XDH: variants seen among roughly 807,000 people sequenced by gnomAD.
XDH encodes the protein xanthine dehydrogenase.
XDH carries 138 observed loss-of-function variants against 156.1 expected under a neutral mutation model. The observed-to-expected ratio is 0.88, with a 90% CI of 0.77 to 1.02. XDH has a LOEUF of 1.02. XDH is among the 50% of genes least tolerant of loss of function. XDH has a pLI of 0.00. For synonymous variants in XDH, 669 were observed against 625.7 expected (o/e 1.07, Z -1.03); for missense variants, 1,849 against 1,684.9 (o/e 1.10, Z -1.71).
Position 31,375,573 on chromosome 2 carries a change from T to G in XDH, c.1428-19A>C. The stretch of plus-strand genomic sequence containing the variant: ...CCAGAGCCTGCCAGAGAGCAGGGCG[T>G]GGGACAGCGCTCCCGCCCAGCCCTC... On this transcript the variant is annotated intron_variant, in intron 14 of 35. Transcript: ENST00000379416. 1 of 1,611,570 alleles carries G rather than the reference T, an allele frequency of 6.2e-7. No individual in the cohort carries two copies. The highest frequency in any genetic ancestry group is 8.5e-7 in the Non-Finnish European group (1 of 1,179,712).
At chr2:31,340,148 A>C (rs207441) in intron 33 of XDH, among the ~76,000 whole-genome samples, 147,122 of 152,346 alleles carry the variant, frequency 0.97, 71,055 homozygotes, top group East Asian at 1. Flanking sequence ...AACTGCCATG[A>C]TAGACAGGCC....
At chr2:31,341,251 G>C in intron 33 of XDH, 78 bp downstream of exon 33, 1 of 1,357,840 alleles carries the variant, frequency 7.4e-7, no homozygotes, top group Non-Finnish European at 1.0e-6. Flanking sequence ...ACAACATGTT[G>C]TGGCAGGTGG....
chr2:31,383,815 G>A lies in XDH; in HGVS notation c.826C>T (p.Pro276Ser), dbSNP rs1442917442. Residue 276 changes from proline (P) to serine (S), a missense_variant, in exon 10 of 36, where the codon CCT becomes TCT. Pro to Ser is a moderately conservative substitution (Grantham distance 74). Transcript: ENST00000379416. ...ATCCAGGCTGGGCAGACAATCATAGGAAACAGCATATTCTTGAACTTCATC... is the reference window on the plus strand; with the variant it reads ...ATCCAGGCTGGGCAGACAATCATAGAAAACAGCATATTCTTGAACTTCATC... ...IEMKFKNMLFPMIVCPAWIPE... is the reference protein window; with the variant it reads ...IEMKFKNMLFSMIVCPAWIPE... 13 of 1,613,968 alleles carry A rather than the reference G, an allele frequency of 8.1e-6. No homozygotes were observed. The highest frequency in any genetic ancestry group is 1.1e-5 in the Non-Finnish European group (13 of 1,180,036).
At chr2:31,359,186 T>C (rs565096780) in intron 24 of XDH, among the ~76,000 whole-genome samples, 42 of 152,130 alleles carry the variant, frequency 2.8e-4, no homozygotes, top group Non-Finnish European at 5.0e-4. Flanking sequence ...AGATTGTTGA[T>C]TGGAATATAA....
intron 4 of XDH, among the ~76,000 whole-genome samples, chr2:31,399,642 C>T (rs979038283): frequency 3.9e-5 from 6 of 152,154 alleles, no homozygotes; most frequent in East Asian, 3.9e-4. Context: ...CCATGTGTTG[C>T]GAGAGGGACC....
intron 1 of XDH, among the ~76,000 whole-genome samples, chr2:31,406,688 T>C (rs1687199047): frequency 6.6e-6 from 1 of 152,186 alleles, no homozygotes; most frequent in Non-Finnish European, 1.5e-5. Context: ...ATAAAACCTG[T>C]CATCTCATTT....
rs1344763469 is a variant in XDH at position 31,347,505 on chromosome 2, T to A, written c.3276+17A>T. ...TGGGCTGGCCCTCTGCTCTGCGGGA[T>A]CCCATGGGCTCCTTACATAGACGGC... On this transcript the variant is annotated intron_variant, in intron 29 of 35. Transcript: ENST00000379416. 6.2e-7 allele frequency: 1 copy of A among 1,613,288 alleles called. No individual in the cohort carries two copies. The highest frequency in any genetic ancestry group is 8.5e-7 in the Non-Finnish European group (1 of 1,179,946).
chr2:31,356,025 A>C (rs1256030497), intron 24 of XDH, among the ~76,000 whole-genome samples: 2 of 152,218 alleles, frequency 1.3e-5, no homozygotes, highest in African/African-American at 4.8e-5. Flanking sequence ...CCAGAGACAG[A>C]GAGAAGGAGA....
intron 5 of XDH, among the ~76,000 whole-genome samples, chr2:31,398,365 G>A (rs952466169): frequency 6.6e-6 from 1 of 152,202 alleles, no homozygotes; most frequent in Non-Finnish European, 1.5e-5. Context: ...AAAGGCAGGA[G>A]ACCCCAGGAG....
At chr2:31,412,029 G>A (rs1451133184) in intron 1 of XDH, among the ~76,000 whole-genome samples, 1 of 152,158 alleles carries the variant, frequency 6.6e-6, no homozygotes, top group Non-Finnish European at 1.5e-5. Flanking sequence ...CACTTCTTGT[G>A]GGGATCACTC....
chr2:31,403,928 G>C (rs991574300), intron 2 of XDH, among the ~76,000 whole-genome samples: 6 of 152,104 alleles, frequency 3.9e-5, no homozygotes, highest in African/African-American at 1.4e-4. Context: ...GGGAACTGAG[G>C]ATATAATCGC....
intron 2 of XDH, among the ~76,000 whole-genome samples, chr2:31,404,295 G>A (rs1425946514): frequency 6.6e-6 from 1 of 152,170 alleles, no homozygotes; most frequent in Non-Finnish European, 1.5e-5. Flanking sequence ...AACAACTTTG[G>A]GGGCACCTGA....
intron 8 of XDH, among the ~76,000 whole-genome samples, chr2:31,387,052 T>G (rs1686629841): frequency 1.4e-5 from 2 of 142,214 alleles, no homozygotes; most frequent in African/African-American, 5.3e-5. Flanking sequence ...AGGAGTTTGT[T>G]ATAAGGGGAT....
intron 31 of XDH, among the ~76,000 whole-genome samples, chr2:31,343,796 T>G (rs1187932585): frequency 7.1e-6 from 1 of 141,684 alleles, no homozygotes; most frequent in Non-Finnish European, 1.5e-5. Context: ...ATGCCTTATA[T>G]GTATAAACAT....
chr2:31,372,708 A>G lies in XDH; in HGVS notation c.1687-311T>C, dbSNP rs45532634. ...TGCAACCATTAAAACATACTTTTGA[A>G]GAACTTTAATTAGAAGGATTGTTCA... On this transcript the variant is annotated intron_variant, in intron 16 of 35. Transcript: ENST00000379416. Among the ~76,000 whole-genome samples the G allele has an allele frequency of 0.026, 3,901 of 152,354 alleles. 89 individuals carry two copies. The highest frequency in any genetic ancestry group is 0.12 in the East Asian group (615 of 5,188).
chr2:31,361,528 T>C lies in XDH; in HGVS notation c.2631+2630A>G, dbSNP rs192718649. On this transcript the variant is annotated intron_variant, in intron 24 of 35. Transcript: ENST00000379416. ...TCCAATAGCTTATAAATGTCTTCAATAAACTGAGCTTTGAAGCAGAACAAA... is the reference window on the plus strand; with the variant it reads ...TCCAATAGCTTATAAATGTCTTCAACAAACTGAGCTTTGAAGCAGAACAAA... 4.7e-4 allele frequency among the ~76,000 whole-genome samples: 71 copies of C among 152,310 alleles called. 2 individuals are homozygous for C. The highest frequency in any genetic ancestry group is 4.2e-3 in the Admixed American group (65 of 15,298).
chr2:31,347,470 C>T, intron 29 of XDH, 52 bp downstream of exon 29: 2 of 1,611,686 alleles, frequency 1.2e-6, no homozygotes, highest in East Asian at 2.2e-5. Context: ...ACTCTCCAGG[C>T]CCACAGCTCT....
At chr2:31,344,588 C>T (rs1685228605) in intron 31 of XDH, 96 bp downstream of exon 31, 9 of 1,431,588 alleles carry the variant, frequency 6.3e-6, no homozygotes, top group South Asian at 1.2e-5. Flanking sequence ...GCTGCTCTCT[C>T]CTGACCACAG....
intron 26 of XDH, 142 bp from the exon 27 acceptor site, chr2:31,349,122 G>C: frequency 2.5e-6 from 2 of 787,100 alleles, no homozygotes; most frequent in Middle Eastern, 3.6e-4. Context: ...GCCCACACCA[G>C]GGGGTCTTGT....
Sources: gnomAD v4.1 joint callset for allele counts (sites outside exome capture counted in the v4.1 genomes callset) on GRCh38, gnomAD v4.1.1 for gene constraint, MANE v1.5 for transcripts, NCBI Gene and HGNC (gene_info 2026-07-23, HGNC 2026-07-21) for gene names.